Variants in PKP4 observed in about 807,000 individuals in gnomAD.
PKP4 encodes the protein plakophilin 4.
In PKP4, 90 loss-of-function variants were observed where a neutral mutation model predicts 145.1. That is an observed-to-expected ratio of 0.62 (90% CI 0.52 to 0.74). The LOEUF (loss-of-function observed/expected upper bound fraction) is 0.74. PKP4 is among the 30% of genes least tolerant of loss of function. The pLI is 0.00. For missense variants in PKP4, 1,340 were observed against 1,482.7 expected (o/e 0.90, Z 1.58); for synonymous variants, 563 against 577.2 (o/e 0.98, Z 0.35).
chr2:158,545,306 C>T (rs2044909220), intron 2 of PKP4, among the ~76,000 whole-genome samples: 1 of 151,910 alleles, frequency 6.6e-6, no homozygotes, highest in Non-Finnish European at 1.5e-5. Flanking sequence ...TTTCTGTAAT[C>T]CCACCAGCAG....
At chr2:158,471,796 CT>C (rs569221397) in intron 1 of PKP4, among the ~76,000 whole-genome samples, 204 of 152,268 alleles carry the variant, frequency 1.3e-3, no homozygotes, top group African/African-American at 4.8e-3. Context: ...AAAGTAATTC[CT>C]TTTTTAGATA....
At chr2:158,482,494 A>C (rs1318030892) in intron 1 of PKP4, among the ~76,000 whole-genome samples, 1 of 151,924 alleles carries the variant, frequency 6.6e-6, no homozygotes, top group Non-Finnish European at 1.5e-5. Flanking sequence ...TGAAAGTTTT[A>C]TTTCATTTAT....
At chr2:158,584,879 C>T (rs951001078) in intron 3 of PKP4, among the ~76,000 whole-genome samples, 20 of 152,090 alleles carry the variant, frequency 1.3e-4, no homozygotes, top group African/African-American at 4.8e-4. Context: ...ATTTACTTCT[C>T]GATAAATTGT....
intron 2 of PKP4, among the ~76,000 whole-genome samples, chr2:158,556,423 A>G (rs530950806): frequency 1.3e-5 from 2 of 152,232 alleles, no homozygotes; most frequent in Admixed American, 6.5e-5. Context: ...ATCTTTCTCA[A>G]TTAGATATAT....
chr2:158,628,733 A>G (rs1462941051), intron 7 of PKP4, among the ~76,000 whole-genome samples: 1 of 152,226 alleles, frequency 6.6e-6, no homozygotes, highest in African/African-American at 2.4e-5. Flanking sequence ...CATGGATTCC[A>G]GTGACGAATC....
intron 4 of PKP4, among the ~76,000 whole-genome samples, chr2:158,615,025 AAC>A (rs2051462602): frequency 1.3e-5 from 2 of 151,528 alleles, no homozygotes; most frequent in African/African-American, 4.8e-5. Context: ...AAAAAAAAAT[AAC>A]TAGTGGAAAA....
chr2:158,641,366 G>C (rs113099374), intron 10 of PKP4, among the ~76,000 whole-genome samples: 1,891 of 152,060 alleles, frequency 0.012, 25 homozygotes, highest in African/African-American at 0.043. Context: ...AAAAATTATA[G>C]TATTCATTGA....
intron 4 of PKP4, among the ~76,000 whole-genome samples, chr2:158,605,325 G>A (rs925212361): frequency 2.0e-5 from 3 of 152,004 alleles, no homozygotes; most frequent in African/African-American, 7.2e-5. Context: ...ACCTTTAGAA[G>A]GTATTAAAAG....
chr2:158,612,821 G>A (rs976894829), intron 4 of PKP4, among the ~76,000 whole-genome samples: 14 of 151,840 alleles, frequency 9.2e-5, no homozygotes, highest in East Asian at 5.8e-4. Flanking sequence ...AGCATACCCC[G>A]GACCATCATG....
At chr2:158,520,219 G>A (rs920033927) in intron 1 of PKP4, among the ~76,000 whole-genome samples, 1 of 152,186 alleles carries the variant, frequency 6.6e-6, no homozygotes, top group African/African-American at 2.4e-5. Context: ...AAGACACAGT[G>A]TGAGCAGCCC....
chr2:158,586,932 A>G (rs889407538), intron 3 of PKP4, among the ~76,000 whole-genome samples: 1 of 152,276 alleles, frequency 6.6e-6, no homozygotes, highest in Non-Finnish European at 1.5e-5. Flanking sequence ...CCAGTATTGC[A>G]GTAAGCTAAC....
In PKP4 at chr2:158,624,901, G is replaced by A. The variant is rs1274469055; in HGVS notation, c.627G>A (p.Met209Ile). Residue 209 changes from methionine to isoleucine, a missense_variant, in exon 7 of 22, where the codon ATG becomes ATA. Transcript: ENST00000389759. ...AGCCATCAGTAGCCAATCGGGCCAT[G>A]AGAAGAGTTAGTTCAGTTCCATCTA... is the stretch of plus-strand genomic sequence containing the variant. Reference protein sequence around the residue: ...LVQPSVANRAMRRVSSVPSRA... With the variant: ...LVQPSVANRAIRRVSSVPSRA... The A allele has an allele frequency of 2.5e-6, 4 of 1,596,204 alleles. No homozygotes were observed. The East Asian group carries it at 9.0e-5, about 36-fold the overall frequency.
chr2:158,567,597 G>A (rs561163163), intron 2 of PKP4, among the ~76,000 whole-genome samples: 1 of 152,318 alleles, frequency 6.6e-6, no homozygotes, highest in South Asian at 2.1e-4. Context: ...TCCCTCACAG[G>A]CTGATTATGT....
At chr2:158,639,339 T>C (rs1002679407) in intron 9 of PKP4, among the ~76,000 whole-genome samples, 4 of 151,888 alleles carry the variant, frequency 2.6e-5, no homozygotes, top group Non-Finnish European at 5.9e-5. Flanking sequence ...TGTGTGTGTG[T>C]GTGCGTGCGT....
chr2:158,531,376 A>G (rs896227787), intron 1 of PKP4, among the ~76,000 whole-genome samples: 3 of 152,158 alleles, frequency 2.0e-5, no homozygotes, highest in African/African-American at 7.2e-5. Flanking sequence ...ACTGTTGCAT[A>G]GTAACATTTT....
intron 7 of PKP4, among the ~76,000 whole-genome samples, chr2:158,629,593 A>C (rs2105909441): frequency 6.6e-6 from 1 of 152,296 alleles, no homozygotes; most frequent in Admixed American, 6.5e-5. Context: ...TCACTTTAGA[A>C]GCTTTATGCA....
chr2:158,504,295 C>T (rs1374487954), intron 1 of PKP4, among the ~76,000 whole-genome samples: 3 of 152,134 alleles, frequency 2.0e-5, no homozygotes, highest in Admixed American at 2.0e-4. Context: ...GTACACGGCC[C>T]AGGGCCTGAC....
chr2:158,481,921 T>G (rs1183481922), intron 1 of PKP4, among the ~76,000 whole-genome samples: 1 of 152,230 alleles, frequency 6.6e-6, no homozygotes, highest in African/African-American at 2.4e-5. Context: ...GGTGCCAAAT[T>G]ATTTTATAAC....
chr2:158,653,819 C>G (rs2055632459), intron 11 of PKP4, among the ~76,000 whole-genome samples: 2 of 152,182 alleles, frequency 1.3e-5, no homozygotes, highest in Admixed American at 1.3e-4. Context: ...AATCCTACAG[C>G]TCTTCATTTT....
Sources: gnomAD v4.1 joint callset for allele counts (sites outside exome capture counted in the v4.1 genomes callset) on GRCh38, gnomAD v4.1.1 for gene constraint, MANE v1.5 for transcripts, NCBI Gene and HGNC (gene_info 2026-07-23, HGNC 2026-07-21) for gene names.